The following NLRP12 variants were observed in gnomAD, a reference collection of about 807,000 sequenced individuals.
NLRP12 encodes NLR family pyrin domain containing 12, also known as NACHT, LRR and PYD domains-containing protein 12.
Under a neutral mutation model 91.2 loss-of-function variants are expected in NLRP12, and 108 were observed. That is an observed-to-expected ratio of 1.18 (90% CI 1.01 to 1.39). The LOEUF (loss-of-function observed/expected upper bound fraction) is 1.39. Ranked by LOEUF, NLRP12 falls within the 40% of genes most tolerant of loss-of-function variation. The probability of loss-of-function intolerance (pLI) is 0.00; values close to 1 mark genes in which losing one functional copy is unlikely to be tolerated. For synonymous variants in NLRP12, 613 were observed against 566.7 expected (o/e 1.08, Z -1.16); for missense variants, 1,530 against 1,352.7 (o/e 1.13, Z -2.06).
chr19:53,808,116 G>T (rs895682587), intron 3 of NLRP12: 4 of 333,992 alleles, frequency 1.2e-5, no homozygotes, highest in South Asian at 2.5e-5. Flanking sequence ...TGGAGTGCAT[G>T]GTGAGATCAT....
At chr19:53,797,707 C>T (rs529816227) in intron 8 of NLRP12, among the ~76,000 whole-genome samples, 3 of 149,654 alleles carry the variant, frequency 2.0e-5, no homozygotes, top group South Asian at 2.1e-4. Flanking sequence ...ATTAAGCTAC[C>T]GTGCCCAGCC....
At position 53,823,957 on chromosome 19, in the gene NLRP12, G is replaced by A. The variant is rs746886074; in HGVS notation, c.218C>T (p.Ala73Val). The change falls in exon 1 of 10, where the codon GCT becomes GTT. Residue 73 changes from alanine to valine, a missense_variant. Transcript: ENST00000324134. The stretch of plus-strand genomic sequence containing the variant: ...GTTTATCCGCTCAAAGGTGCTGAGA[G>A]CCAACCTCCAGGCCTCCTCTGGCCC... ...HFGPEEAWRLALSTFERINRK... is the reference protein window; with the variant it reads ...HFGPEEAWRLVLSTFERINRK... The A allele has an allele frequency of 6.2e-7, 1 of 1,614,136 alleles. No individual in the cohort carries two copies. The highest frequency in any genetic ancestry group is 1.1e-5 in the South Asian group (1 of 91,088).
rs199476242 is a variant in NLRP12, at chr19:53,815,021, C to T, written c.290-33G>A. ...AGAAATTGTGGAAGATGAGCTAGCA[C>T]GCATCTGGCTAGTAGCACCGCGTCA... On this transcript the variant is annotated intron_variant, in intron 1 of 9. Transcript: ENST00000324134. 4.3e-5 allele frequency: 65 copies of T among 1,519,246 alleles called. 2 individuals are homozygous for T. In the Admixed American group the frequency reaches 8.4e-4, roughly 20 times the overall value. 94.1% of individuals were successfully genotyped at this position (1,519,246 alleles called of 1,614,324 possible).
At chr19:53,807,343 C>G in intron 4 of NLRP12, 152 bp downstream of exon 4, 2 of 733,910 alleles carry the variant, frequency 2.7e-6, no homozygotes, top group Middle Eastern at 3.9e-4. Context: ...ACTGGGATTA[C>G]AGACGTGAGC....
At position 53,807,560 on chromosome 19, in the gene NLRP12, G is replaced by A; in HGVS notation, c.2178C>T (p.Gly726=). The A allele has an allele frequency of 1.2e-6, 2 of 1,614,132 alleles. No individual in the cohort carries two copies. Among genetic ancestry groups the A allele is most frequent in the Non-Finnish European group, 1.7e-6 (2 of 1,180,014 alleles). The change falls in exon 4 of 10, where the codon GGC becomes GGT. Residue 726 remains glycine (G), a synonymous_variant. Coordinates refer to ENST00000324134, the MANE Select transcript of NLRP12 (RefSeq NM_144687.4). ...IELSLYRNAL[G]SRGVKLLCQG... is the part of the protein sequence containing the mutation. ...GACAGAGCAGCTTCACCCCCCGGCTGCCCAGGGCATTTCGGTACAGAGACA... is the reference window on the plus strand; with the variant it reads ...GACAGAGCAGCTTCACCCCCCGGCTACCCAGGGCATTTCGGTACAGAGACA...
chr19:53,803,130 G>A (rs2091901124), intron 6 of NLRP12, among the ~76,000 whole-genome samples: 2 of 152,008 alleles, frequency 1.3e-5, no homozygotes, highest in Admixed American at 1.3e-4. Context: ...GTGGCTCAGT[G>A]GCATGAAGTA....
chr19:53,823,498 A>T (rs1350078853), intron 1 of NLRP12, among the ~76,000 whole-genome samples: 12 of 56,790 alleles, frequency 2.1e-4, no homozygotes, highest in East Asian at 3.3e-4. Context: ...AAATATATTT[A>T]TTTAAAATAT....
chr19:53,819,447 A>ATGTG (rs1401991028), intron 1 of NLRP12, among the ~76,000 whole-genome samples: 10 of 17,082 alleles, frequency 5.9e-4, no homozygotes, highest in Non-Finnish European at 9.5e-4. Context: ...ATATATATAT[A>ATGTG]TATATATATA....
In NLRP12 at chr19:53,794,055, G is replaced by A. The variant is rs778964105; in HGVS notation, c.3180C>T (p.Gly1060=). The A allele has an allele frequency of 1.9e-6, 3 of 1,612,012 alleles. No homozygotes were observed. In the Admixed American group the frequency reaches 5.0e-5, roughly 27 times the overall value. Residue 1060 remains glycine, a synonymous_variant, in exon 10 of 10, where the codon GGC becomes GGT. Coordinates refer to ENST00000324134, the MANE Select transcript of NLRP12 (RefSeq NM_144687.4). The part of the protein sequence containing the change: ...LRVTKPYLDI[G]C ...AGCCAGCAGATAGGACCATTCAGCA[G>A]CCAATGTCCAAATAAGGTTTTGTTA...
intron 6 of NLRP12, among the ~76,000 whole-genome samples, chr19:53,801,921 C>T (rs1381268175): frequency 6.6e-6 from 1 of 151,734 alleles, no homozygotes; most frequent in African/African-American, 2.4e-5. Context: ...GGAGAAACCC[C>T]CTCTCTACTA....
chr19:53,823,349 AC>A (rs2092288711), intron 1 of NLRP12, among the ~76,000 whole-genome samples: 14 of 135,960 alleles, frequency 1.0e-4, no homozygotes, highest in African/African-American at 3.9e-4. Flanking sequence ...TATAATATAT[AC>A]CATATTTAAT....
intron 1 of NLRP12, among the ~76,000 whole-genome samples, chr19:53,822,103 C>T (rs528602421): frequency 2.6e-5 from 4 of 152,028 alleles, no homozygotes; most frequent in South Asian, 2.1e-4. Flanking sequence ...GGACTCGTGG[C>T]GGGGAGAAAT....
intron 1 of NLRP12, among the ~76,000 whole-genome samples, chr19:53,821,198 G>C (rs544525314): frequency 1.3e-5 from 2 of 151,562 alleles, no homozygotes; most frequent in African/African-American, 4.8e-5. Flanking sequence ...ACCACACCCG[G>C]CTAATTTTTT....
Position 53,809,920 on chromosome 19 carries a change from CAG to C in NLRP12, c.1737_1738del (p.Cys580LeufsTer123). The C allele has an allele frequency of 6.2e-7, 1 of 1,614,094 alleles. No homozygotes were observed. Among genetic ancestry groups the C allele is most frequent in the Non-Finnish European group, 8.5e-7 (1 of 1,180,042 alleles). On this transcript the variant is annotated frameshift_variant, in exon 3 of 10. Transcript: ENST00000324134. LOFTEE classifies it high-confidence loss of function. ...CTTGATGTGCGGCGAGACCTTCCAG[CAG>C]AGACTCTTCTCCAGGTGGCTCCTGG...
At chr19:53,800,419 C>T (rs1369023005) in intron 7 of NLRP12, among the ~76,000 whole-genome samples, 3 of 152,162 alleles carry the variant, frequency 2.0e-5, no homozygotes, top group Admixed American at 6.6e-5. Context: ...GATCACACCA[C>T]TCCACTCCAG....
rs1423091327 is a variant in NLRP12 at position 53,801,293 on chromosome 19, C to T, written c.2690G>A (p.Gly897Glu). 1.2e-6 allele frequency: 2 copies of T among 1,613,832 alleles called. No individual in the cohort carries two copies. The highest frequency in any genetic ancestry group is 2.7e-5 in the African/African-American group (2 of 74,856). Residue 897 changes from glycine (G) to glutamate (E), a missense_variant, in exon 7 of 10, where the codon GGG (glycine) becomes GAG (glutamate). Gly to Glu is a moderately conservative substitution (Grantham distance 98). Coordinates refer to ENST00000324134, the MANE Select transcript of NLRP12 (RefSeq NM_144687.4). ...RELDLSLNEL[G>E]DLGVLLLCEG... ...ACACAGCAGCAGCACCCCGAGGTCC[C>T]CCAGCTCATTCAGGCTCAGGTCCAG...
rs749647596 is a variant in NLRP12 at position 53,809,793 on chromosome 19, C to T, written c.1866G>A (p.Glu622=). The T allele has an allele frequency of 1.9e-6, 3 of 1,614,104 alleles. No homozygotes were observed. Among genetic ancestry groups the T allele is most frequent in the South Asian group, 1.1e-5 (1 of 91,086 alleles). The change falls in exon 3 of 10, where the codon GAG becomes GAA. Residue 622 remains glutamate (E), a synonymous_variant. Coordinates refer to ENST00000324134, the MANE Select transcript of NLRP12 (RefSeq NM_144687.4). ...EFFSCLYEIQ[E]EEFIQQALSH... Reference sequence around the variant, plus strand: ...TCAGGGCCTGCTGGATAAACTCCTCCTCCTGGATCTCGTACAAGCAGCTGA... The same window carrying T: ...TCAGGGCCTGCTGGATAAACTCCTCTTCCTGGATCTCGTACAAGCAGCTGA...
At chr19:53,823,469 A>ATTTTAATATATAT (rs1314014988) in intron 1 of NLRP12, among the ~76,000 whole-genome samples, 131 of 106,604 alleles carry the variant, frequency 1.2e-3, no homozygotes, top group East Asian at 3.3e-3. Context: ...TTAAATATAT[A>ATTTTAATATATAT]TTTAAAATAT....
intron 7 of NLRP12, among the ~76,000 whole-genome samples, chr19:53,800,267 C>T (rs531642032): frequency 1.4e-4 from 21 of 151,880 alleles, no homozygotes; most frequent in East Asian, 3.9e-4. Context: ...ATCGCGCCAC[C>T]GCACTCCAGC....
Sources: allele counts gnomAD v4.1 joint callset (sites outside exome capture counted in the v4.1 genomes callset), GRCh38; gene constraint gnomAD v4.1.1; transcripts MANE v1.5; gene names NCBI Gene and HGNC (gene_info 2026-07-23, HGNC 2026-07-21).